STMN1: variants seen among roughly 807,000 people sequenced by gnomAD.
The protein encoded by STMN1 is stathmin 1.
In STMN1, 3 loss-of-function variants were observed where a neutral mutation model predicts 19.7. The observed-to-expected ratio is 0.15, with a 90% CI of 0.07 to 0.39. The LOEUF is 0.39. STMN1 is among the 10% of genes least tolerant of loss of function. STMN1 has a pLI of 1.00. For synonymous variants in STMN1, 59 were observed against 58.9 expected (o/e 1.00, Z -0.01); for missense variants, 99 against 176.0 (o/e 0.56, Z 2.48).
rs2048943284 is a variant in STMN1, at chr1:25,906,079, GA to G, written c.-63+309del. On this transcript the variant is annotated intron_variant, in intron 1 of 4. Coordinates refer to ENST00000455785, the MANE Select transcript of STMN1 (RefSeq NM_005563.4). The surrounding 1 kb of genome is among the most constrained non-coding windows in gnomAD (Gnocchi z 4.5). ...CGGCGGGGCCCGCAGGGAAGGGAGG[GA>G]GGGAGGGAGGTAAACGAGGGCCCAC... is the stretch of plus-strand genomic sequence containing the variant. 6.6e-6 allele frequency: 1 copy of G among 150,804 alleles called. No homozygotes were observed. Among genetic ancestry groups the G allele is most frequent in the East Asian group, 2.0e-4 (1 of 4,966 alleles). The allele number at this position is 150,804 out of a possible 1,614,324, so 9.3% of individuals were successfully genotyped here.
At chr1:25,892,554 C>G (rs542422996) in intron 4 of STMN1, 1 of 983,470 alleles carries the variant, frequency 1.0e-6, no homozygotes, top group Non-Finnish European at 1.2e-6. Context: ...GATGCCACCA[C>G]GGCTGAGCCG....
At position 25,906,044 on chromosome 1, in the gene STMN1, A is replaced by G. The variant is rs2048942022; in HGVS notation, c.-63+345T>C. 7.0e-6 allele frequency: 1 copy of G among 142,214 alleles called. No individual in the cohort carries two copies. Among genetic ancestry groups the G allele is most frequent in the Non-Finnish European group, 1.5e-5 (1 of 64,666 alleles). 8.8% of individuals were successfully genotyped at this position (142,214 alleles called of 1,614,324 possible). ...GGGCACCGCCCCGTCCCTTCAGACA[A>G]TGGGGAACCCGGCGGGGCCCGCAGG... On this transcript the variant is annotated intron_variant, in intron 1 of 4. Transcript: ENST00000455785. The surrounding 1 kb of genome is among the most constrained non-coding windows in gnomAD (Gnocchi z 4.5).
At chr1:25,899,582 C>T (rs149742782), downstream of STMN1, among the ~76,000 whole-genome samples, 2 of 152,190 alleles carry the variant, frequency 1.3e-5, no homozygotes, top group Non-Finnish European at 2.9e-5. Flanking sequence ...AATATAAAAA[C>T]TGCATAATTT....
chr1:25,897,854 T>C (rs1435616203), downstream of STMN1, among the ~76,000 whole-genome samples: 3 of 152,336 alleles, frequency 2.0e-5, no homozygotes, highest in South Asian at 2.1e-4. Flanking sequence ...CAGTAAATAG[T>C]AGCACTGCCA....
rs375973094 is a variant in STMN1 at position 25,887,906 on chromosome 1, C to T, written c.379-2037G>A. 1.1e-3 allele frequency among the ~76,000 whole-genome samples: 169 copies of T among 152,248 alleles called. 1 individual carries two copies. The South Asian group carries it at 0.015, about 13-fold the overall frequency. ...TTCGCCATTTTGGCCAGGATGGTCTCGATCTCTTGACTTCGTGATCCACCC... is the reference window on the plus strand; with the variant it reads ...TTCGCCATTTTGGCCAGGATGGTCTTGATCTCTTGACTTCGTGATCCACCC... On this transcript the variant is annotated intron_variant, in intron 4 of 4. Transcript: ENST00000426559.
chr1:25,905,996 G>C (rs1195380056), intron 1 of STMN1: 1 of 152,214 alleles, frequency 6.6e-6, no homozygotes, highest in African/African-American at 2.4e-5. Flanking sequence ...CCCGCAGTTT[G>C]GTCCTAAAGC....
At chr1:25,901,165 C>A in intron 4 of STMN1, 78 bp from the exon 5 acceptor site, 1 of 1,568,164 alleles carries the variant, frequency 6.4e-7, no homozygotes. Flanking sequence ...ACCCCCAGCC[C>A]CCACCTCAAA....
At chr1:25,903,925 G>A (rs1572306343) in intron 2 of STMN1, 112 bp from the exon 3 acceptor site, 2 of 1,145,616 alleles carry the variant, frequency 1.7e-6, no homozygotes, top group East Asian at 2.7e-5. Context: ...TAGGGCTGAT[G>A]AGGAAAGTTG....
At position 25,885,983 on chromosome 1, in the gene STMN1, G is replaced by A. The variant is rs544945112; in HGVS notation, c.379-114C>T. 3.1e-4 allele frequency: 413 copies of A among 1,349,804 alleles called. 1 individual carries two copies. The highest frequency in any genetic ancestry group is 2.4e-3 in the Middle Eastern group (9 of 3,748). The allele number at this position is 1,349,804 out of a possible 1,614,324, so 83.6% of individuals were successfully genotyped here. A position where few individuals can be genotyped will look rare whatever the true frequency, so the allele number is the denominator to read the frequency against. On this transcript the variant is annotated intron_variant, in intron 4 of 4. Transcript: ENST00000426559. ...GTGGTTCTCAAACTTTGCTACAAAT[G>A]GAATCATCCAGGGATCTTTAAAAAA...
At chr1:25,904,624 A>T (rs776349060) in intron 2 of STMN1, 40 bp downstream of exon 2, 15 of 1,583,622 alleles carry the variant, frequency 9.5e-6, no homozygotes, top group Admixed American at 6.7e-5. Context: ...TAAAATCATA[A>T]GCCCATTACA....
chr1:25,898,875 C>T (rs910002219), downstream of STMN1, among the ~76,000 whole-genome samples: 1 of 152,206 alleles, frequency 6.6e-6, no homozygotes, highest in African/African-American at 2.4e-5. Context: ...GTAGGTGCCA[C>T]CGCTCCTCCT....
chr1:25,905,838 T>A (rs903529165), intron 1 of STMN1: 8 of 151,842 alleles, frequency 5.3e-5, no homozygotes, highest in African/African-American at 1.5e-4. Context: ...CCTCCCGCCG[T>A]CCCCATGCCC....
At chr1:25,892,611 AT>A (rs762615475) in intron 4 of STMN1, 75 of 985,234 alleles carry the variant, frequency 7.6e-5, no homozygotes, top group Non-Finnish European at 8.7e-5. Context: ...GATTCTTGAG[AT>A]TCTAAACAAC....
At chr1:25,901,789 C>T (rs991193188) in intron 3 of STMN1, 107 bp from the exon 4 acceptor site, 16 of 1,087,146 alleles carry the variant, frequency 1.5e-5, no homozygotes, top group Admixed American at 2.7e-5. Context: ...GTGGGTGGAT[C>T]ATTTGAGGTC....
intron 3 of STMN1, chr1:25,903,378 A>G (rs952189851): frequency 2.7e-6 from 1 of 371,654 alleles, no homozygotes; most frequent in Admixed American, 4.6e-5. Context: ...GTATGACTGC[A>G]GAAAAACGAC....
intron 3 of STMN1, chr1:25,902,525 C>G (rs1324350132): frequency 6.6e-6 from 1 of 152,250 alleles, no homozygotes; most frequent in Non-Finnish European, 1.5e-5. Context: ...ATGACCCCTT[C>G]AACAGAACAG....
downstream of STMN1, among the ~76,000 whole-genome samples, chr1:25,895,213 C>T (rs903074319): frequency 8.6e-5 from 13 of 151,186 alleles, no homozygotes; most frequent in African/African-American, 3.2e-4. Context: ...TACCATTCTC[C>T]TGCCTCAGCC....
downstream of STMN1, among the ~76,000 whole-genome samples, chr1:25,898,671 C>T (rs976190423): frequency 6.6e-6 from 1 of 152,234 alleles, no homozygotes; most frequent in African/African-American, 2.4e-5. Context: ...ATTTTCCATT[C>T]AAGACAAAAG....
At chr1:25,906,553 C>A (rs1396586073), upstream of STMN1, 1 of 152,592 alleles carries the variant, frequency 6.6e-6, no homozygotes, top group African/African-American at 2.4e-5. This position sits in a 1 kb window ranked among gnomAD's most constrained non-coding sequence, Gnocchi z 4.5. Flanking sequence ...GCGCCGCCCC[C>A]CGGGACCCCG....
Sources: allele counts gnomAD v4.1 joint callset (sites outside exome capture counted in the v4.1 genomes callset), GRCh38; gene constraint gnomAD v4.1.1; non-coding constraint Gnocchi (gnomAD v3.1); transcripts MANE v1.5; gene names NCBI Gene and HGNC (gene_info 2026-07-23, HGNC 2026-07-21).